The following CYRIA variants were observed in gnomAD, a reference collection of about 807,000 sequenced individuals.
CYRIA encodes CYFIP related Rac1 interactor A, also known as CYFIP-related Rac1 interactor A.
In CYRIA, 15 loss-of-function variants were observed where a neutral mutation model predicts 43.9. The observed-to-expected ratio is 0.34, with a 90% CI of 0.23 to 0.53. CYRIA has a LOEUF of 0.53. Among genes scored for constraint, CYRIA ranks in the 20% least tolerant of loss-of-function variants. CYRIA has a pLI of 0.94. For missense variants in CYRIA, 236 were observed against 394.2 expected (o/e 0.60, Z 3.40); for synonymous variants, 117 against 136.0 (o/e 0.86, Z 0.97).
chr2:16,586,881 T>C (rs1269572244), intron 3 of CYRIA, among the ~76,000 whole-genome samples: 2 of 152,152 alleles, frequency 1.3e-5, no homozygotes, highest in Admixed American at 1.3e-4. Context: ...CTGTGCTTGC[T>C]ATTGTGAAAT....
At position 16,561,540 on chromosome 2, in the gene CYRIA, T is replaced by G. The variant is rs1054940402; in HGVS notation, c.436-7A>C. 6.2e-7 allele frequency: 1 copy of G among 1,612,212 alleles called. No individual in the cohort carries two copies. Among genetic ancestry groups the G allele is most frequent in the Admixed American group, 1.7e-5 (1 of 59,948 alleles). ...GAATAGCCGGGTTCCTCATCTGAAA[T>G]TCAGAGGACAAGAGCGAAGGTCATC... is the stretch of plus-strand genomic sequence containing the variant. On this transcript the variant is annotated splice_polypyrimidine_tract_variant and splice_region_variant and intron_variant, in intron 6 of 11. Transcript: ENST00000381323.
At chr2:16,649,513 G>A (rs914646410) in intron 1 of CYRIA, among the ~76,000 whole-genome samples, 2 of 151,872 alleles carry the variant, frequency 1.3e-5, no homozygotes, top group African/African-American at 4.8e-5. Flanking sequence ...TGGCTGTACA[G>A]TACACAGGGC....
At chr2:16,617,441 G>A (rs1668842115) in intron 2 of CYRIA, among the ~76,000 whole-genome samples, 1 of 152,252 alleles carries the variant, frequency 6.6e-6, no homozygotes, top group South Asian at 2.1e-4. Context: ...AAAACCCCCT[G>A]CCAAGCCGGT....
Position 16,551,451 on chromosome 2 carries a change from C to T in CYRIA, c.*1485G>A, listed in dbSNP as rs1455811147. 3 of 152,288 alleles carry T rather than the reference C, an allele frequency of 2.0e-5. No individual in the cohort carries two copies. 9.4% of individuals were successfully genotyped at this position (152,288 alleles called of 1,614,324 possible). A position where few individuals can be genotyped will look rare whatever the true frequency, so the allele number is the denominator to read the frequency against. Reference sequence around the variant, plus strand: ...AATCCCATCCCATAGTATGTATTCACAGCCACATGGTATAAAAGGAAGAGC... The same window carrying T: ...AATCCCATCCCATAGTATGTATTCATAGCCACATGGTATAAAAGGAAGAGC... On this transcript the variant is annotated 3_prime_UTR_variant, in exon 12 of 12. Transcript: ENST00000381323.
At chr2:16,603,118 G>A (rs1381836182) in intron 2 of CYRIA, among the ~76,000 whole-genome samples, 2 of 151,962 alleles carry the variant, frequency 1.3e-5, no homozygotes, top group African/African-American at 2.4e-5. Context: ...AGTGCCTGTC[G>A]GACAGAATGC....
At chr2:16,660,865 G>A (rs561873812) in intron 1 of CYRIA, among the ~76,000 whole-genome samples, 8 of 152,214 alleles carry the variant, frequency 5.3e-5, no homozygotes, top group South Asian at 2.1e-4. Context: ...ACACTGCTGG[G>A]AAACATGGCA....
chr2:16,617,203 G>A (rs534690498), intron 2 of CYRIA, among the ~76,000 whole-genome samples: 2 of 152,320 alleles, frequency 1.3e-5, no homozygotes, highest in African/African-American at 4.8e-5. Context: ...TAAGAGAAAT[G>A]AGGCCCTAAG....
At position 16,551,429 on chromosome 2, in the gene CYRIA, C is replaced by A. The variant is rs1666304025; in HGVS notation, c.*1507G>T. The A allele has an allele frequency of 6.6e-6, 1 of 152,134 alleles. No individual in the cohort carries two copies. Among genetic ancestry groups the A allele is most frequent in the Admixed American group, 6.6e-5 (1 of 15,258 alleles). The allele number at this position is 152,134 out of a possible 1,614,324, so 9.4% of individuals were successfully genotyped here. A position where few individuals can be genotyped will look rare whatever the true frequency, so the allele number is the denominator to read the frequency against. On this transcript the variant is annotated 3_prime_UTR_variant, in exon 12 of 12. Transcript: ENST00000381323. Reference sequence around the variant, plus strand: ...GAGGATTTACTTAGAAGGGTTGAATCCCATCCCATAGTATGTATTCACAGC... The same window carrying A: ...GAGGATTTACTTAGAAGGGTTGAATACCATCCCATAGTATGTATTCACAGC...
chr2:16,615,961 A>G (rs924462468), intron 2 of CYRIA, among the ~76,000 whole-genome samples: 2 of 152,106 alleles, frequency 1.3e-5, no homozygotes, highest in African/African-American at 4.8e-5. Context: ...TCTTCACTCC[A>G]TTCTTCTCTT....
chr2:16,638,952 TAATA>T (rs1572196373), intron 1 of CYRIA, among the ~76,000 whole-genome samples: 3 of 152,210 alleles, frequency 2.0e-5, no homozygotes, highest in South Asian at 2.1e-4. Flanking sequence ...GTGAGATAAT[TAATA>T]AATAATTATT....
intron 1 of CYRIA, among the ~76,000 whole-genome samples, chr2:16,661,252 G>A (rs1395336077): frequency 6.6e-6 from 1 of 152,092 alleles, no homozygotes; most frequent in Non-Finnish European, 1.5e-5. Flanking sequence ...TGTAGCCTGG[G>A]TGACAGAGCA....
intron 2 of CYRIA, 61 bp from the exon 3 acceptor site, chr2:16,588,190 A>C: frequency 8.8e-7 from 1 of 1,138,858 alleles, no homozygotes; most frequent in African/African-American, 1.6e-5. Flanking sequence ...GACTTGCGTG[A>C]ATATCCCTGG....
At chr2:16,577,499 T>C (rs1367681724) in intron 3 of CYRIA, among the ~76,000 whole-genome samples, 1 of 152,202 alleles carries the variant, frequency 6.6e-6, no homozygotes, top group Non-Finnish European at 1.5e-5. Flanking sequence ...GTTGCAAAAG[T>C]CTTTAATGAA....
chr2:16,661,465 C>T (rs540504353), intron 1 of CYRIA, among the ~76,000 whole-genome samples: 33 of 152,274 alleles, frequency 2.2e-4, no homozygotes, highest in African/African-American at 5.8e-4. Flanking sequence ...GACAAATCAG[C>T]AATCCATTCT....
At chr2:16,611,674 A>G (rs1370815330) in intron 2 of CYRIA, among the ~76,000 whole-genome samples, 1 of 151,944 alleles carries the variant, frequency 6.6e-6, no homozygotes, top group African/African-American at 2.4e-5. Flanking sequence ...CTCCCAGTGA[A>G]CATCCCACTG....
rs973622466 is a variant in CYRIA, at chr2:16,650,369, T to C, written c.-167+15411A>G. The stretch of plus-strand genomic sequence containing the variant: ...CTATATACTCAGCTGAATGAGTATA[T>C]AGTATAAAACAAGACTGACTCACTT... On this transcript the variant is annotated intron_variant, in intron 1 of 11. Transcript: ENST00000381323. The surrounding 1 kb of genome is among the most constrained non-coding windows in gnomAD (Gnocchi z 4.1). 1.3e-5 allele frequency among the ~76,000 whole-genome samples: 2 copies of C among 152,158 alleles called. No homozygotes were observed. The highest frequency in any genetic ancestry group is 2.9e-5 in the Non-Finnish European group (2 of 68,032).
rs1669083594 is a variant in CYRIA, at chr2:16,624,021, TAA to T, written c.-166-4_-166-3del. On this transcript the variant is annotated splice_polypyrimidine_tract_variant and splice_region_variant and intron_variant, in intron 1 of 11. Coordinates refer to ENST00000381323, the MANE Select transcript of CYRIA (RefSeq NM_030797.4). ...TGTCCTTAAGATGGTGGTACCCTGC[TAA>T]AAAGGGAATGCAAGTCATGTTACTG... The T allele has an allele frequency of 1.3e-5, 2 of 152,198 alleles. No homozygotes were observed. Among genetic ancestry groups the T allele is most frequent in the Non-Finnish European group, 2.9e-5 (2 of 68,046 alleles). 9.4% of individuals were successfully genotyped at this position (152,198 alleles called of 1,614,324 possible). A position where few individuals can be genotyped will look rare whatever the true frequency, so the allele number is the denominator to read the frequency against.
chr2:16,566,651 T>C (rs1666943802), intron 3 of CYRIA, among the ~76,000 whole-genome samples: 1 of 152,186 alleles, frequency 6.6e-6, no homozygotes. Flanking sequence ...GCTTCCATAA[T>C]GAAAACAGTA....
At chr2:16,643,882 G>A (rs942593787) in intron 1 of CYRIA, among the ~76,000 whole-genome samples, 1 of 152,182 alleles carries the variant, frequency 6.6e-6, no homozygotes, top group East Asian at 1.9e-4. Flanking sequence ...CTTCACCTAT[G>A]GGCAGAAAAT....
Sources: gnomAD v4.1 joint callset for allele counts (sites outside exome capture counted in the v4.1 genomes callset) on GRCh38, gnomAD v4.1.1 for gene constraint, Gnocchi (gnomAD v3.1) non-coding constraint, MANE v1.5 for transcripts, NCBI Gene and HGNC (gene_info 2026-07-23, HGNC 2026-07-21) for gene names.